Variants in PSD3 observed in about 807,000 individuals in gnomAD.
PSD3 encodes the protein pleckstrin and Sec7 domain containing 3, also known as PH and SEC7 domain-containing protein 3.
A neutral mutation model predicts 105.5 loss-of-function variants in PSD3; 49 were observed. That is an observed-to-expected ratio of 0.46 (90% confidence interval 0.37 to 0.59). PSD3 has a LOEUF of 0.59. PSD3 is among the 20% of genes least tolerant of loss of function. The probability of loss-of-function intolerance (pLI) is 0.00; values close to 1 mark genes in which losing one functional copy is unlikely to be tolerated. For missense variants in PSD3, 1,561 were observed against 1,263.8 expected (o/e 1.24, Z -3.57); for synonymous variants, 557 against 457.8 (o/e 1.22, Z -2.77).
intron 9 of PSD3, among the ~76,000 whole-genome samples, chr8:18,717,181 C>A (rs76653031): frequency 0.033 from 4,979 of 152,138 alleles, 207 homozygotes; most frequent in East Asian, 0.15. Context: ...ATTTCAAACT[C>A]AAACAAGAGA....
intron 9 of PSD3, among the ~76,000 whole-genome samples, chr8:18,677,613 G>A (rs534835103): frequency 1.3e-5 from 2 of 152,234 alleles, no homozygotes; most frequent in East Asian, 3.9e-4. Context: ...AACAGTTATC[G>A]ATAATATGAA....
chr8:18,613,921 C>T (rs886617036), intron 11 of PSD3, among the ~76,000 whole-genome samples: 4 of 152,218 alleles, frequency 2.6e-5, no homozygotes, highest in South Asian at 2.1e-4. Flanking sequence ...CTAAGCCGGC[C>T]GCCTCCACCC....
chr8:18,872,322 T>C lies in PSD3; in HGVS notation c.542A>G (p.Gln181Arg), dbSNP rs765235732. Reference sequence around the variant, plus strand: ...AGCAGGGAGCGTTTTGTTGACTCTCTGTGTTTTACGACTGGCAGTGTCCAG... The same window carrying C: ...AGCAGGGAGCGTTTTGTTGACTCTCCGTGTTTTACGACTGGCAGTGTCCAG... ...KELDTASRKT[Q>R]RVNKTLPAGQ... The change falls in exon 3 of 16, where the codon CAG (glutamine) becomes CGG (arginine). Residue 181 changes from glutamine (Q) to arginine (R), a missense_variant. By Grantham distance (43) the Gln-to-Arg change is conservative (BLOSUM62 1). Coordinates refer to ENST00000327040, the MANE Select transcript of PSD3 (RefSeq NM_015310.4). 27 of 1,614,122 alleles carry C rather than the reference T, an allele frequency of 1.7e-5. No individual in the cohort carries two copies. The highest frequency in any genetic ancestry group is 1.4e-5 in the Non-Finnish European group (16 of 1,180,042).
chr8:18,623,606 T>C (rs1806280831), intron 11 of PSD3, among the ~76,000 whole-genome samples: 1 of 149,192 alleles, frequency 6.7e-6, no homozygotes, highest in Admixed American at 6.7e-5. Context: ...CATGTACCAC[T>C]GTACTCCAGC....
At chr8:18,957,542 A>T (rs1823654457) in intron 1 of PSD3, among the ~76,000 whole-genome samples, 1 of 152,170 alleles carries the variant, frequency 6.6e-6, no homozygotes, top group Admixed American at 6.6e-5. Flanking sequence ...AGTCACTAGC[A>T]TTGGAATGCT....
chr8:18,863,149 G>C (rs62495865), intron 4 of PSD3, among the ~76,000 whole-genome samples: 7 of 152,082 alleles, frequency 4.6e-5, no homozygotes, highest in Admixed American at 4.6e-4. Flanking sequence ...GCCATGTCAC[G>C]GTATTTGCTA....
chr8:18,546,900 C>T (rs773010343), intron 15 of PSD3, among the ~76,000 whole-genome samples: 20 of 152,100 alleles, frequency 1.3e-4, no homozygotes, highest in Non-Finnish European at 2.2e-4. Flanking sequence ...CTCCATGGTT[C>T]GGGGATAAGA....
At chr8:18,627,044 T>A (rs1225100593) in intron 11 of PSD3, among the ~76,000 whole-genome samples, 1 of 152,108 alleles carries the variant, frequency 6.6e-6, no homozygotes, top group Non-Finnish European at 1.5e-5. Context: ...GAAACTGCCC[T>A]ACTATAATAA....
chr8:18,595,932 C>G (rs1348178461), intron 12 of PSD3, among the ~76,000 whole-genome samples: 1 of 152,022 alleles, frequency 6.6e-6, no homozygotes, highest in Non-Finnish European at 1.5e-5. Flanking sequence ...GAACATTCCA[C>G]TCAACAGCAT....
At chr8:18,780,737 G>T (rs1191041476) in intron 8 of PSD3, among the ~76,000 whole-genome samples, 1 of 151,908 alleles carries the variant, frequency 6.6e-6, no homozygotes, top group Non-Finnish European at 1.5e-5. Flanking sequence ...TGTATTTTTA[G>T]TAGAGACGGG....
chr8:18,860,095 T>C (rs1431564334), intron 4 of PSD3, among the ~76,000 whole-genome samples: 6 of 152,110 alleles, frequency 3.9e-5, no homozygotes, highest in African/African-American at 1.2e-4. Context: ...TTTAGAGGCA[T>C]TGCAGGGTTA....
intron 4 of PSD3, among the ~76,000 whole-genome samples, chr8:18,819,657 C>A (rs1458572277): frequency 7.1e-6 from 1 of 140,804 alleles, no homozygotes; most frequent in Non-Finnish European, 1.5e-5. Flanking sequence ...TGGCTCACTG[C>A]AACCTCCGCC....
At chr8:18,729,851 A>T (rs969884344) in intron 9 of PSD3, among the ~76,000 whole-genome samples, 1 of 152,174 alleles carries the variant, frequency 6.6e-6, no homozygotes, top group Non-Finnish European at 1.5e-5. Context: ...CCACTGAGGA[A>T]ATTACTAATT....
chr8:18,966,062 T>C (rs1824223712), intron 1 of PSD3, among the ~76,000 whole-genome samples: 1 of 152,206 alleles, frequency 6.6e-6, no homozygotes, highest in South Asian at 2.1e-4. Context: ...CAATGTGCTG[T>C]ATAACTTTTC....
intron 1 of PSD3, among the ~76,000 whole-genome samples, chr8:18,942,858 C>G (rs1234689476): frequency 6.6e-6 from 1 of 152,126 alleles, no homozygotes; most frequent in Non-Finnish European, 1.5e-5. Context: ...GGAAAGGCTA[C>G]AGATTAGAGG....
At chr8:18,774,799 T>A in intron 8 of PSD3, 1 of 439,714 alleles carries the variant, frequency 2.3e-6, no homozygotes, top group South Asian at 1.6e-5. Flanking sequence ...AACTGGAATG[T>A]CGGGCACCTG....
intron 1 of PSD3, among the ~76,000 whole-genome samples, chr8:19,076,359 G>C (rs949351153): frequency 2.6e-5 from 4 of 152,122 alleles, no homozygotes; most frequent in Non-Finnish European, 5.9e-5. Flanking sequence ...ATTTAGAAAA[G>C]GATGTTAGAG....
At chr8:18,652,123 T>C (rs1422030243) in intron 10 of PSD3, among the ~76,000 whole-genome samples, 1 of 152,018 alleles carries the variant, frequency 6.6e-6, no homozygotes, top group Admixed American at 6.6e-5. Context: ...GAAACGCTGG[T>C]GTCATTAATA....
intron 10 of PSD3, among the ~76,000 whole-genome samples, chr8:18,639,000 C>T (rs1049534887): frequency 5.9e-5 from 9 of 152,188 alleles, no homozygotes; most frequent in African/African-American, 7.2e-5. Flanking sequence ...ACTGCCCTTC[C>T]GTGGCTTGTG....
Sources: allele counts gnomAD v4.1 joint callset (sites outside exome capture counted in the v4.1 genomes callset), GRCh38; gene constraint gnomAD v4.1.1; transcripts MANE v1.5; gene names NCBI Gene and HGNC (gene_info 2026-07-23, HGNC 2026-07-21).